LRRC4C: variants seen among roughly 807,000 people sequenced by gnomAD.
LRRC4C encodes leucine-rich repeat-containing protein 4C.
In LRRC4C, 5 loss-of-function variants were observed where a neutral mutation model predicts 33.6. That is an observed-to-expected ratio of 0.15 (90% CI 0.08 to 0.31). The LOEUF is 0.31. LRRC4C is among the 10% of genes least tolerant of loss of function. LRRC4C has a pLI of 1.00. For missense variants in LRRC4C, 560 were observed against 796.7 expected, an observed-to-expected ratio of 0.70 and a Z score of 3.58; for synonymous variants, 329 against 302.0, an observed-to-expected ratio of 1.09 and a Z score of -0.93.
chr11:41,379,951 A>G (rs1953081366), intron 1 of LRRC4C, among the ~76,000 whole-genome samples: 1 of 151,976 alleles, frequency 6.6e-6, no homozygotes, highest in African/African-American at 2.4e-5. Flanking sequence ...TCCCTACTTC[A>G]TCATTTAGAT....
chr11:41,001,611 T>C (rs564717210), intron 1 of LRRC4C, among the ~76,000 whole-genome samples: 234 of 93,830 alleles, frequency 2.5e-3, no homozygotes, highest in Non-Finnish European at 3.5e-3. Context: ...CTCTACATAA[T>C]TAAAAAAAAA....
At chr11:41,001,027 AAAAT>A (rs1311629324) in intron 1 of LRRC4C, among the ~76,000 whole-genome samples, 1 of 152,198 alleles carries the variant, frequency 6.6e-6, no homozygotes, top group Non-Finnish European at 1.5e-5. Context: ...AAAGTATAGA[AAAAT>A]AAATTATATG....
chr11:40,349,969 T>A (rs1239690480), intron 3 of LRRC4C, among the ~76,000 whole-genome samples: 3 of 152,164 alleles, frequency 2.0e-5, no homozygotes, highest in Non-Finnish European at 1.5e-5. Flanking sequence ...TTGTTTGACC[T>A]CCTTATATAT....
chr11:41,359,244 T>C (rs1288766102), intron 1 of LRRC4C, among the ~76,000 whole-genome samples: 2 of 152,164 alleles, frequency 1.3e-5, no homozygotes, highest in African/African-American at 4.8e-5. Context: ...GTGAAAAATA[T>C]TGTGTATGAA....
intron 1 of LRRC4C, among the ~76,000 whole-genome samples, chr11:41,179,937 C>T (rs1945373926): frequency 6.6e-6 from 1 of 152,106 alleles, no homozygotes; most frequent in Admixed American, 6.6e-5. Flanking sequence ...TAAACAATTA[C>T]ATTAATCACT....
chr11:40,156,033 A>G (rs754379084), intron 5 of LRRC4C, among the ~76,000 whole-genome samples: 10 of 152,188 alleles, frequency 6.6e-5, no homozygotes, highest in Non-Finnish European at 1.3e-4. Context: ...CCATAGATGC[A>G]GGGATGGTTT....
At chr11:41,307,705 C>G (rs1038822468) in intron 1 of LRRC4C, among the ~76,000 whole-genome samples, 12 of 152,138 alleles carry the variant, frequency 7.9e-5, no homozygotes, top group African/African-American at 2.7e-4. Flanking sequence ...TGGGCTTTTC[C>G]CACGTGCATC....
intron 3 of LRRC4C, among the ~76,000 whole-genome samples, chr11:40,534,222 AATT>A (rs949993408): frequency 2.0e-5 from 3 of 150,996 alleles, no homozygotes; most frequent in Admixed American, 6.6e-5. Context: ...TGATGTGTCC[AATT>A]ATTATTATTA....
intron 5 of LRRC4C, among the ~76,000 whole-genome samples, chr11:40,178,500 A>G (rs1470664676): frequency 3.9e-5 from 6 of 152,190 alleles, no homozygotes; most frequent in Non-Finnish European, 8.8e-5. Flanking sequence ...AAAGTTAGGG[A>G]ATACATCTGG....
chr11:40,549,490 G>A (rs796808452), intron 3 of LRRC4C, among the ~76,000 whole-genome samples: 28 of 152,254 alleles, frequency 1.8e-4, no homozygotes, highest in African/African-American at 6.0e-4. Context: ...GCCTAAATCA[G>A]ATGCTTACAC....
chr11:40,480,414 G>A (rs977655036), intron 3 of LRRC4C, among the ~76,000 whole-genome samples: 1 of 151,636 alleles, frequency 6.6e-6, no homozygotes, highest in Non-Finnish European at 1.5e-5. Flanking sequence ...TCATTTAAAA[G>A]TGGGAGCTGA....
chr11:41,316,783 CTG>C (rs1273521993), intron 1 of LRRC4C, among the ~76,000 whole-genome samples: 2 of 152,232 alleles, frequency 1.3e-5, no homozygotes, highest in East Asian at 3.8e-4. Flanking sequence ...AGCAACCACT[CTG>C]TATCAGAATT....
chr11:40,165,430 G>A (rs1349004834), intron 5 of LRRC4C, among the ~76,000 whole-genome samples: 1 of 152,106 alleles, frequency 6.6e-6, no homozygotes. Context: ...CAAAAGGCTT[G>A]AAGGAGATGA....
At chr11:40,975,446 C>T (rs372925692) in intron 1 of LRRC4C, among the ~76,000 whole-genome samples, 1 of 152,194 alleles carries the variant, frequency 6.6e-6, no homozygotes, top group African/African-American at 2.4e-5. Context: ...CTCATTATTT[C>T]TCAATGCTCT....
At chr11:41,065,775 G>T (rs2135393445) in intron 1 of LRRC4C, among the ~76,000 whole-genome samples, 1 of 152,262 alleles carries the variant, frequency 6.6e-6, no homozygotes, top group Non-Finnish European at 1.5e-5. Context: ...GGCGAACAGG[G>T]TCTGGAGTGG....
At chr11:40,286,255 T>C (rs1482950704) in intron 4 of LRRC4C, among the ~76,000 whole-genome samples, 1 of 152,148 alleles carries the variant, frequency 6.6e-6, no homozygotes, top group African/African-American at 2.4e-5. Flanking sequence ...TAGAAGTATG[T>C]GAATGTAGTC....
intron 1 of LRRC4C, among the ~76,000 whole-genome samples, chr11:41,425,001 A>G (rs1954992085): frequency 6.6e-6 from 1 of 152,110 alleles, no homozygotes; most frequent in Non-Finnish European, 1.5e-5. Context: ...ACAGAGAAAA[A>G]TTAAAATGTA....
chr11:41,143,323 T>TAA (rs1943594284), intron 1 of LRRC4C, among the ~76,000 whole-genome samples: 1 of 152,020 alleles, frequency 6.6e-6, no homozygotes, highest in Non-Finnish European at 1.5e-5. Flanking sequence ...GAATTTCAAT[T>TAA]AAAGGATCAG....
chr11:40,961,356 A>G (rs1289372692), intron 1 of LRRC4C, among the ~76,000 whole-genome samples: 1 of 151,610 alleles, frequency 6.6e-6, no homozygotes, highest in African/African-American at 2.4e-5. Context: ...GTTACCAGGA[A>G]GCAAGAAGGG....
Sources: gnomAD v4.1 joint callset for allele counts (sites outside exome capture counted in the v4.1 genomes callset) on GRCh38, gnomAD v4.1.1 for gene constraint, MANE v1.5 for transcripts, NCBI Gene and HGNC (gene_info 2026-07-23, HGNC 2026-07-21) for gene names.